The following KIAA0586 variants were observed in gnomAD, a reference collection of about 807,000 sequenced individuals.
KIAA0586 encodes KIAA0586.
KIAA0586 carries 144 observed loss-of-function variants against 169.8 expected under a neutral mutation model. The observed-to-expected ratio is 0.85, with a 90% CI of 0.74 to 0.97. The LOEUF (loss-of-function observed/expected upper bound fraction) is 0.97, where lower values mean the gene tolerates loss of function less well. KIAA0586 is among the 50% of genes least tolerant of loss of function. The pLI, the probability that KIAA0586 is intolerant of heterozygous loss-of-function variation, is 0.00. For synonymous variants in KIAA0586, 625 were observed against 612.4 expected (o/e 1.02, Z -0.30); for missense variants, 1,854 against 1,823.0 (o/e 1.02, Z -0.31).
At chr14:58,529,432 A>G (rs1386087271) in intron 29 of KIAA0586, among the ~76,000 whole-genome samples, 2 of 152,210 alleles carry the variant, frequency 1.3e-5, no homozygotes, top group Non-Finnish European at 2.9e-5. Context: ...AGTATCCGTG[A>G]TGATCATCAG....
chr14:58,557,858 A>G, the KIAA0586 span, among the ~76,000 whole-genome samples: 1 of 145,876 alleles, frequency 6.9e-6, no homozygotes, highest in African/African-American at 2.6e-5. Flanking sequence ...AGGGGTCTGT[A>G]ATCATGTCTT....
chr14:58,524,374 T>C (rs932455081), intron 29 of KIAA0586, among the ~76,000 whole-genome samples: 2 of 152,338 alleles, frequency 1.3e-5, no homozygotes, highest in Admixed American at 6.5e-5. Flanking sequence ...AATACAGTAT[T>C]CCTCAAACTT....
chr14:58,518,960 C>G (rs1458079775), intron 29 of KIAA0586, among the ~76,000 whole-genome samples: 2 of 152,162 alleles, frequency 1.3e-5, no homozygotes, highest in Admixed American at 6.5e-5. Context: ...GGCAAAACCC[C>G]GTCTCTACTA....
intron 28 of KIAA0586, among the ~76,000 whole-genome samples, chr14:58,509,461 G>T (rs920426920): frequency 2.6e-5 from 4 of 152,010 alleles, no homozygotes; most frequent in African/African-American, 9.7e-5. Flanking sequence ...GAAAAAATAG[G>T]TTAATTACTC....
chr14:58,451,136 C>T (rs573216633), intron 8 of KIAA0586, among the ~76,000 whole-genome samples: 230 of 152,018 alleles, frequency 1.5e-3, no homozygotes, highest in Non-Finnish European at 2.5e-3. Context: ...CTATGGGCGC[C>T]CACCACCATA....
intron 29 of KIAA0586, among the ~76,000 whole-genome samples, chr14:58,522,767 A>G (rs1359251130): frequency 6.6e-6 from 1 of 152,234 alleles, no homozygotes; most frequent in Non-Finnish European, 1.5e-5. Flanking sequence ...TCTATAATTA[A>G]ACTGTCAACT....
chr14:58,436,315 AAAATG>A (rs2037816407), intron 4 of KIAA0586, among the ~76,000 whole-genome samples: 1 of 152,202 alleles, frequency 6.6e-6, no homozygotes, highest in Admixed American at 6.5e-5. Context: ...ATTCAATAAT[AAAATG>A]AAATAACAAT....
chr14:58,443,448 A>C (rs1039992989), intron 5 of KIAA0586, among the ~76,000 whole-genome samples: 2 of 152,214 alleles, frequency 1.3e-5, no homozygotes, highest in African/African-American at 4.8e-5. Context: ...TTTGAGACGG[A>C]GTCTCACTCT....
chr14:58,448,982 T>C (rs886162076), intron 7 of KIAA0586, among the ~76,000 whole-genome samples: 3 of 152,226 alleles, frequency 2.0e-5, no homozygotes, highest in Non-Finnish European at 4.4e-5. Context: ...AGTCTGCTTA[T>C]CTTGATTGAA....
chr14:58,537,173 A>G, intron 29 of KIAA0586: 13 of 1,058,544 alleles, frequency 1.2e-5, no homozygotes, highest in Non-Finnish European at 1.5e-5. Flanking sequence ...AGAATTATGA[A>G]GCCACTTACT....
At chr14:58,437,027 T>TGA (rs2037883688) in intron 4 of KIAA0586, among the ~76,000 whole-genome samples, 2 of 152,204 alleles carry the variant, frequency 1.3e-5, no homozygotes, top group Non-Finnish European at 2.9e-5. Context: ...CTCACTCTGG[T>TGA]AGCCATATGA....
intron 20 of KIAA0586, among the ~76,000 whole-genome samples, chr14:58,481,993 T>TA (rs1205471250): frequency 6.6e-6 from 1 of 151,912 alleles, no homozygotes; most frequent in Non-Finnish European, 1.5e-5. Flanking sequence ...TTTATATTTT[T>TA]AGTAGAGACG....
At chr14:58,469,106 A>G (rs552973289) in intron 16 of KIAA0586, among the ~76,000 whole-genome samples, 21 of 152,304 alleles carry the variant, frequency 1.4e-4, no homozygotes, top group African/African-American at 4.8e-4. Context: ...TATACAGAAC[A>G]GCCTCAACCC....
At chr14:58,456,978 A>T (rs960054200) in intron 10 of KIAA0586, among the ~76,000 whole-genome samples, 168 bp downstream of exon 10, 1 of 152,226 alleles carries the variant, frequency 6.6e-6, no homozygotes, top group Non-Finnish European at 1.5e-5. Context: ...GGCCTTCACC[A>T]AGTGATTTCT....
Position 58,461,258 on chromosome 14 carries a change from C to A in KIAA0586, c.2059+98C>A, listed in dbSNP as rs538248133. On this transcript the variant is annotated intron_variant, in intron 14 of 30. Coordinates refer to ENST00000652326, the MANE Select transcript of KIAA0586 (RefSeq NM_001329943.3). ...GCTTTTTATTTATTGCTTATACGTG[C>A]CATTCAAGTTATATGATGCTTGGGG... 15 of 814,262 alleles carry A rather than the reference C, an allele frequency of 1.8e-5. No individual in the cohort carries two copies. The African/African-American group carries it at 2.2e-4, about 12-fold the overall frequency. The allele number at this position is 814,262 out of a possible 1,614,324, so 50.4% of individuals were successfully genotyped here.
intron 21 of KIAA0586, among the ~76,000 whole-genome samples, chr14:58,485,620 G>C (rs1467222732): frequency 6.6e-6 from 1 of 152,136 alleles, no homozygotes; most frequent in Non-Finnish European, 1.5e-5. Flanking sequence ...AAGGGCTCTA[G>C]GTAGAAAGGA....
chr14:58,547,452 A>T lies in KIAA0586; in HGVS notation c.4496-329A>T, dbSNP rs556634977. ...TAAAATAACTTGGTGACAGTCACACAGCCAGCAAGAAGTTAAGTCTGGATT... is the reference window on the plus strand; with the variant it reads ...TAAAATAACTTGGTGACAGTCACACTGCCAGCAAGAAGTTAAGTCTGGATT... On this transcript the variant is annotated intron_variant, in intron 30 of 30. Coordinates refer to ENST00000652326, the MANE Select transcript of KIAA0586 (RefSeq NM_001329943.3). Among the ~76,000 whole-genome samples the T allele has an allele frequency of 5.9e-5, 9 of 152,326 alleles. No individual in the cohort carries two copies. The South Asian group carries it at 1.7e-3, about 28-fold the overall frequency.
In KIAA0586 at chr14:58,530,167, T is replaced by C. The variant is rs530179599; in HGVS notation, c.4430-9904T>C. Among the ~76,000 whole-genome samples the C allele has an allele frequency of 1.6e-4, 25 of 152,282 alleles. No homozygotes were observed. The South Asian group carries it at 5.0e-3, about 30-fold the overall frequency. On this transcript the variant is annotated intron_variant, in intron 29 of 30. Coordinates refer to ENST00000652326, the MANE Select transcript of KIAA0586 (RefSeq NM_001329943.3). ...TTTGAAGGACTTTTTCAAGGAGAAC[T>C]ACAAACCACTGCTCAAGGAAATAAG...
intron 21 of KIAA0586, 107 bp from the exon 22 acceptor site, chr14:58,486,900 G>T (rs932762944): frequency 3.6e-6 from 3 of 824,792 alleles, no homozygotes; most frequent in Non-Finnish European, 5.2e-6. Flanking sequence ...ACTTAACCCT[G>T]CCATCAATTT....
Sources: gnomAD v4.1 joint callset for allele counts (sites outside exome capture counted in the v4.1 genomes callset) on GRCh38, gnomAD v4.1.1 for gene constraint, MANE v1.5 for transcripts, NCBI Gene and HGNC (gene_info 2026-07-23, HGNC 2026-07-21) for gene names.